KHDRBS1: variants seen among roughly 807,000 people sequenced by gnomAD.
The protein encoded by KHDRBS1 is KH domain-containing, RNA-binding, signal transduction-associated protein 1.
In KHDRBS1, 7 loss-of-function variants were observed where a neutral mutation model predicts 48.4. The ratio of observed to expected loss-of-function variants is 0.14; its 90% CI spans 0.08 to 0.27. The LOEUF (loss-of-function observed/expected upper bound fraction) is 0.27. KHDRBS1 is among the 10% of genes least tolerant of loss of function. The probability of loss-of-function intolerance (pLI) is 1.00; values close to 1 mark genes in which losing one functional copy is unlikely to be tolerated. For missense variants in KHDRBS1, 458 were observed against 601.2 expected (o/e 0.76, Z 2.49); for synonymous variants, 241 against 235.8 (o/e 1.02, Z -0.20).
intron 1 of KHDRBS1, among the ~76,000 whole-genome samples, chr1:32,025,248 GA>G (rs1386076646): frequency 2.9e-5 from 4 of 136,902 alleles, no homozygotes; most frequent in East Asian, 2.5e-4. Context: ...CTGGGTGACA[GA>G]GTGAGACCCT....
At chr1:32,038,886 A>G (rs565371496) in intron 7 of KHDRBS1, among the ~76,000 whole-genome samples, 1 of 152,328 alleles carries the variant, frequency 6.6e-6, no homozygotes, top group South Asian at 2.1e-4. Context: ...TGAAGCACAC[A>G]CTTGGATTTG....
At chr1:32,031,784 TATACACCAAGTTA>T (rs1478390647) in intron 3 of KHDRBS1, 144 bp downstream of exon 3, 1 of 502,930 alleles carries the variant, frequency 2.0e-6, no homozygotes, top group Non-Finnish European at 3.6e-6. Context: ...TGCAAGAGAT[TATACACCAAGTTA>T]ATTTACTTGG....
chr1:32,056,537 G>A (rs2124402678), intron 10 of KHDRBS1, among the ~76,000 whole-genome samples: 1 of 152,298 alleles, frequency 6.6e-6, no homozygotes, highest in African/African-American at 2.4e-5. Flanking sequence ...GCACTGTGAT[G>A]TGTGTGAAAA....
chr1:32,060,279 C>G (rs565481052), exon 11 of KHDRBS1: 1 of 152,368 alleles, frequency 6.6e-6, no homozygotes, highest in East Asian at 1.9e-4. Context: ...TTTCACTCTA[C>G]TTGATCTGTC....
chr1:32,058,030 ATTGC>A (rs1639499953), intron 10 of KHDRBS1, among the ~76,000 whole-genome samples: 1 of 151,472 alleles, frequency 6.6e-6, no homozygotes, highest in Non-Finnish European at 1.5e-5. Flanking sequence ...AGGCAGGAAG[ATTGC>A]TTGAACCCAG....
chr1:32,025,650 T>C (rs997471229), intron 1 of KHDRBS1, among the ~76,000 whole-genome samples: 1 of 146,050 alleles, frequency 6.8e-6, no homozygotes, highest in African/African-American at 2.5e-5. Flanking sequence ...TTCTGCTTGC[T>C]TCCTTTTCTT....
intron 1 of KHDRBS1, among the ~76,000 whole-genome samples, chr1:32,023,971 G>T (rs890841125): frequency 8.5e-5 from 13 of 152,234 alleles, no homozygotes; most frequent in Admixed American, 4.6e-4. Flanking sequence ...GAAGTTAGAG[G>T]CCTGGCGCGG....
rs1381380736 is a variant in KHDRBS1, at chr1:32,058,933, G to T, written n.1302-1230G>T. ...GCGCTTTGGGAGACCGAGGTGGGCG[G>T]ATCACCTGAGGTCAGGAGTTTGAGA... On this transcript the variant is annotated intron_variant and non_coding_transcript_variant, in intron 10 of 10. Coordinates refer to the KHDRBS1 transcript ENST00000484270. Among the ~76,000 whole-genome samples the T allele has an allele frequency of 3.3e-5, 5 of 152,078 alleles. No individual in the cohort carries two copies. The East Asian group carries it at 7.7e-4, about 23-fold the overall frequency.
In KHDRBS1 at chr1:32,016,199, A is replaced by AAAG. The variant is rs534844812; in HGVS notation, c.382+1824_382+1825insGAA. ...ATCTCAAAAAAGGAAAAAAAAAAAA[A>AAAG]AAAGAAAAGAACACACGGAAGAAAA... On this transcript the variant is annotated intron_variant, in intron 1 of 8. Transcript: ENST00000327300. Among the ~76,000 whole-genome samples, 796 of 151,916 alleles carry AAAG rather than the reference A, an allele frequency of 5.2e-3. 10 individuals are homozygous for AAAG. Among genetic ancestry groups the AAAG allele is most frequent in the African/African-American group, 0.018 (765 of 41,374 alleles).
At chr1:32,029,206 G>A (rs1464938032) in intron 1 of KHDRBS1, among the ~76,000 whole-genome samples, 2 of 152,080 alleles carry the variant, frequency 1.3e-5, no homozygotes, top group East Asian at 1.9e-4. Flanking sequence ...CTTAACCCGC[G>A]AATTGAAAGT....
At chr1:32,031,918 T>C (rs1639087437) in intron 3 of KHDRBS1, among the ~76,000 whole-genome samples, 1 of 152,170 alleles carries the variant, frequency 6.6e-6, no homozygotes, top group Non-Finnish European at 1.5e-5. Context: ...GGTAGGATTG[T>C]CTGTGAAAAC....
rs116444623 is a variant in KHDRBS1, at chr1:32,056,774, C to G, written n.1302-3389C>G. ...GATGTGATTCTTTCTAAGCTTCTCT[C>G]TAGAAATCAGTACAAATGTCTCCTT... On this transcript the variant is annotated intron_variant and non_coding_transcript_variant, in intron 10 of 10. Transcript: ENST00000484270. 1.7e-3 allele frequency among the ~76,000 whole-genome samples: 266 copies of G among 152,306 alleles called. 3 individuals carry two copies. The highest frequency in any genetic ancestry group is 6.1e-3 in the African/African-American group (253 of 41,554).
intron 1 of KHDRBS1, among the ~76,000 whole-genome samples, chr1:32,027,194 C>T (rs1359063701): frequency 6.6e-6 from 1 of 151,968 alleles, no homozygotes; most frequent in Admixed American, 6.6e-5. Context: ...GGCCTCCCAA[C>T]GTGCTGGGAT....
At chr1:32,058,760 G>A (rs1051271700) in intron 10 of KHDRBS1, among the ~76,000 whole-genome samples, 19 of 152,146 alleles carry the variant, frequency 1.2e-4, no homozygotes, top group Non-Finnish European at 2.6e-4. Flanking sequence ...TTGAGATCGT[G>A]CCACTGCACT....
chr1:32,054,400 T>C (rs988229230), intron 10 of KHDRBS1: 4 of 152,152 alleles, frequency 2.6e-5, no homozygotes, highest in Non-Finnish European at 4.4e-5. Flanking sequence ...AATTCCTGCC[T>C]TTTTCAGAAA....
intron 1 of KHDRBS1, among the ~76,000 whole-genome samples, chr1:32,017,096 AAAAATACAAAAATTAGCCG>A (rs1638757023): frequency 6.6e-6 from 1 of 152,060 alleles, no homozygotes; most frequent in African/African-American, 2.4e-5. Context: ...CGTCTCTACC[AAAAATACAAAAATTAGCCG>A]GGCGTGGTGG....
At chr1:32,034,522 T>G (rs1489982941) in intron 4 of KHDRBS1, among the ~76,000 whole-genome samples, 1 of 151,928 alleles carries the variant, frequency 6.6e-6, no homozygotes, top group African/African-American at 2.4e-5. Flanking sequence ...ATTGCACCAT[T>G]GGACTCCAGC....
At chr1:32,034,711 C>G (rs540431756) in intron 4 of KHDRBS1, among the ~76,000 whole-genome samples, 1 of 152,202 alleles carries the variant, frequency 6.6e-6, no homozygotes, top group Non-Finnish European at 1.5e-5. Context: ...GGCGCGGTGG[C>G]TCACACCTGT....
chr1:32,022,849 C>T (rs914888053), intron 1 of KHDRBS1, among the ~76,000 whole-genome samples: 6 of 151,312 alleles, frequency 4.0e-5, no homozygotes, highest in Non-Finnish European at 8.8e-5. Flanking sequence ...AAAATTGCGC[C>T]ACTGCACTCC....
Sources: gnomAD v4.1 joint callset for allele counts (sites outside exome capture counted in the v4.1 genomes callset) on GRCh38, gnomAD v4.1.1 for gene constraint, MANE v1.5 for transcripts, NCBI Gene and HGNC (gene_info 2026-07-23, HGNC 2026-07-21) for gene names.